Variants in LOC400499 observed in about 807,000 individuals in gnomAD.
At chr16:11,515,273 C>A in the LOC400499 span, among the ~76,000 whole-genome samples, 2 of 151,592 alleles carry the variant, frequency 1.3e-5, no homozygotes, top group Non-Finnish European at 2.9e-5. Context: ...CAGCAAGACA[C>A]CATCTCTACT....
the LOC400499 span, among the ~76,000 whole-genome samples, chr16:11,492,019 CAG>C: frequency 2.0e-5 from 3 of 152,130 alleles, no homozygotes; most frequent in Non-Finnish European, 4.4e-5. Context: ...TGGGAGGTAG[CAG>C]GGGTTCACTG....
chr16:11,392,688 C>T, the LOC400499 span: 1 of 807,078 alleles, frequency 1.2e-6, no homozygotes, highest in Admixed American at 6.2e-5. Flanking sequence ...TGTCCCCTCC[C>T]CCGACACGGC....
chr16:11,484,929 G>T, the LOC400499 span: 3 of 399,340 alleles, frequency 7.5e-6, no homozygotes, highest in East Asian at 1.1e-4. Flanking sequence ...GGACACTCGG[G>T]GCTGGCTGGC....
chr16:11,525,180 G>T, the LOC400499 span, among the ~76,000 whole-genome samples: 1 of 151,894 alleles, frequency 6.6e-6, no homozygotes, highest in South Asian at 2.1e-4. Context: ...GCTACTCGTG[G>T]GAGGTGGGAG....
the LOC400499 span, among the ~76,000 whole-genome samples, chr16:11,459,506 T>C: frequency 3.3e-5 from 5 of 152,106 alleles, no homozygotes; most frequent in Admixed American, 3.3e-4. Flanking sequence ...CCTAAACAAA[T>C]TTTTAAATAA....
At chr16:11,457,233 A>C in the LOC400499 span, 1 of 572,558 alleles carries the variant, frequency 1.7e-6, no homozygotes, top group Non-Finnish European at 3.0e-6. Context: ...CTGAATTCTC[A>C]TACGCTGATG....
the LOC400499 span, among the ~76,000 whole-genome samples, chr16:11,441,531 G>A: frequency 0.01 from 1,595 of 152,300 alleles, 35 homozygotes; most frequent in African/African-American, 0.036. Flanking sequence ...CTCATTGCAC[G>A]ATGACATCCA....
the LOC400499 span, chr16:11,471,668 T>C: frequency 2.5e-6 from 1 of 398,980 alleles, no homozygotes; most frequent in Non-Finnish European, 4.4e-6. Context: ...GGCTGCAGGG[T>C]ATAGGCAGCT....
chr16:11,447,581 G>T, the LOC400499 span, among the ~76,000 whole-genome samples: 1 of 152,126 alleles, frequency 6.6e-6, no homozygotes, highest in Non-Finnish European at 1.5e-5. Flanking sequence ...TCAATGCATA[G>T]CCCGCAGTCC....
the LOC400499 span, chr16:11,402,111 G>T: frequency 1.0e-5 from 4 of 399,080 alleles, no homozygotes; most frequent in South Asian, 5.1e-4. Context: ...GACAGGCGGA[G>T]GCTGCAGTGT....
chr16:11,494,792 G>C, the LOC400499 span: 9 of 398,912 alleles, frequency 2.3e-5, no homozygotes, highest in Middle Eastern at 6.2e-4. Context: ...CACCCGAGGT[G>C]GTGGGTAAAT....
At chr16:11,497,706 A>G in the LOC400499 span, among the ~76,000 whole-genome samples, 10 of 142,914 alleles carry the variant, frequency 7.0e-5, no homozygotes, top group Admixed American at 2.1e-4. Flanking sequence ...CCACACAGTA[A>G]TGACCCAGTT....
At chr16:11,413,499 G>C in the LOC400499 span, among the ~76,000 whole-genome samples, 1 of 152,160 alleles carries the variant, frequency 6.6e-6, no homozygotes, top group Admixed American at 6.5e-5. Flanking sequence ...GCCCAGCCAA[G>C]CAGGACGAGT....
chr16:11,384,149 G>T, the LOC400499 span: 2 of 1,213,092 alleles, frequency 1.6e-6, no homozygotes, highest in Admixed American at 4.2e-5. Flanking sequence ...GCCTCTCCCG[G>T]GACTCTGCAG....
chr16:11,443,222 G>A, the LOC400499 span, among the ~76,000 whole-genome samples: 4 of 151,186 alleles, frequency 2.6e-5, no homozygotes, highest in African/African-American at 7.3e-5. Flanking sequence ...TACTCGGGAG[G>A]CTGAGGCAGG....
chr16:11,488,054 T>C, the LOC400499 span, among the ~76,000 whole-genome samples: 1 of 151,596 alleles, frequency 6.6e-6, no homozygotes, highest in African/African-American at 2.4e-5. Context: ...GAGGCAGAGG[T>C]TGCAGTGAGA....
At chr16:11,490,680 G>A in the LOC400499 span, among the ~76,000 whole-genome samples, 1 of 152,176 alleles carries the variant, frequency 6.6e-6, no homozygotes, top group Non-Finnish European at 1.5e-5. Flanking sequence ...CAGGCTGGGT[G>A]ACAGAGCGAG....
At chr16:11,404,372 C>T in the LOC400499 span, among the ~76,000 whole-genome samples, 61 of 152,136 alleles carry the variant, frequency 4.0e-4, no homozygotes, top group African/African-American at 1.3e-3. Flanking sequence ...TTTTTGAGAC[C>T]GAGTCTCACT....
the LOC400499 span, chr16:11,425,259 C>G: frequency 5.0e-6 from 2 of 398,946 alleles, no homozygotes; most frequent in Non-Finnish European, 8.8e-6. Flanking sequence ...CCTCAGGTTC[C>G]TCGTCTGGGC....
Sources: gnomAD v4.1 joint callset for allele counts (sites outside exome capture counted in the v4.1 genomes callset) on GRCh38, gnomAD v4.1.1 for gene constraint, MANE v1.5 for transcripts.